The following UAP1 variants were observed in gnomAD, a reference collection of about 807,000 sequenced individuals.
UAP1 encodes UDP-N-acetylhexosamine pyrophosphorylase.
Under a neutral mutation model 58.5 loss-of-function variants are expected in UAP1, and 25 were observed. The observed-to-expected ratio is 0.43, with a 90% CI of 0.31 to 0.60. UAP1 has a LOEUF of 0.60. UAP1 is among the 20% of genes least tolerant of loss of function. The pLI is 0.11. For missense variants in UAP1, 575 were observed against 630.0 expected, an observed-to-expected ratio of 0.91 and a Z score of 0.93; for synonymous variants, 208 against 213.0, an observed-to-expected ratio of 0.98 and a Z score of 0.21.
intron 10 of UAP1, among the ~76,000 whole-genome samples, chr1:162,599,017 G>T (rs1655779423): frequency 6.6e-6 from 1 of 152,026 alleles, no homozygotes; most frequent in Non-Finnish European, 1.5e-5. Context: ...TGTGAGAGAT[G>T]ATTATAGGAA....
At chr1:162,577,434 C>CTTTTTTTTTTTTTT (rs1557970274) in intron 3 of UAP1, among the ~76,000 whole-genome samples, 3 of 138,224 alleles carry the variant, frequency 2.2e-5, no homozygotes, top group African/African-American at 8.6e-5. Context: ...TAGTTCCTTC[C>CTTTTTTTTTTTTTT]CTTTTTTTTT....
chr1:162,589,616 A>G (rs902325392), intron 7 of UAP1, among the ~76,000 whole-genome samples: 2 of 152,160 alleles, frequency 1.3e-5, no homozygotes, highest in East Asian at 3.9e-4. Flanking sequence ...TATAAAGATC[A>G]CATTTGATGT....
intron 8 of UAP1, among the ~76,000 whole-genome samples, chr1:162,591,403 TG>T (rs1655302263): frequency 6.6e-6 from 1 of 152,208 alleles, no homozygotes; most frequent in Non-Finnish European, 1.5e-5. Context: ...GAAATGGCTT[TG>T]GTTTTGAGAA....
chr1:162,587,927 A>G (rs1393312935), intron 6 of UAP1: 9 of 354,962 alleles, frequency 2.5e-5, no homozygotes, highest in Non-Finnish European at 4.6e-5. Flanking sequence ...CCCACCCCCA[A>G]CTATGTGCTA....
Position 162,583,146 on chromosome 1 carries a change from C to CTTTT in UAP1, c.834+1708_834+1711dup, listed in dbSNP as rs11376471. Among the ~76,000 whole-genome samples the CTTTT allele has an allele frequency of 6.9e-3, 467 of 67,976 alleles. 8 individuals are homozygous for CTTTT. Among genetic ancestry groups the CTTTT allele is most frequent in the Middle Eastern group, 0.022 (1 of 46 alleles). The allele number at this position is 67,976 out of a possible 152,430, so 44.6% of individuals were successfully genotyped here. On this transcript the variant is annotated intron_variant, in intron 5 of 10. Transcript: ENST00000271469. ...CACACGCCTTCCACTTGGTGTCACT[C>CTTTT]TTTTTTTTTTTTTTTTTTTTTTTTG... is the stretch of plus-strand genomic sequence containing the variant.
At chr1:162,579,293 G>C (rs1654399857) in intron 3 of UAP1, 135 bp from the exon 4 acceptor site, 2 of 582,318 alleles carry the variant, frequency 3.4e-6, no homozygotes, top group South Asian at 5.6e-5. Flanking sequence ...GTCTTACCCA[G>C]GAAAAATATG....
Position 162,589,264 on chromosome 1 carries a change from T to A in UAP1, c.1169+431T>A, listed in dbSNP as rs185844430. ...ATTTATAGTTATATATAAATATATA[T>A]TTATTTATAATATATATAAATATAT... On this transcript the variant is annotated intron_variant, in intron 7 of 10. Transcript: ENST00000271469. Among the ~76,000 whole-genome samples the A allele has an allele frequency of 2.2e-3, 276 of 127,694 alleles. 6 individuals carry two copies. The East Asian group carries it at 0.047, about 22-fold the overall frequency. 83.8% of individuals were successfully genotyped at this position (127,694 alleles called of 152,430 possible). A position where few individuals can be genotyped will look rare whatever the true frequency, so the allele number is the denominator to read the frequency against.
intron 2 of UAP1, among the ~76,000 whole-genome samples, chr1:162,569,696 C>T (rs1446527519): frequency 6.6e-6 from 1 of 151,936 alleles, no homozygotes; most frequent in African/African-American, 2.4e-5. Context: ...GCTTTTTTTG[C>T]CTATGAGACA....
intron 7 of UAP1, 56 bp downstream of exon 7, chr1:162,588,889 C>T (rs940780234): frequency 7.1e-6 from 11 of 1,539,726 alleles, no homozygotes; most frequent in Non-Finnish European, 9.6e-6. Flanking sequence ...TGCTGCTTTT[C>T]ACTCTCTTAG....
intron 5 of UAP1, among the ~76,000 whole-genome samples, chr1:162,586,911 G>T (rs1654932987): frequency 6.6e-6 from 1 of 152,174 alleles, no homozygotes; most frequent in Non-Finnish European, 1.5e-5. Flanking sequence ...TAAAGTTGGA[G>T]TGGGAGGCTA....
At chr1:162,563,438 T>C (rs1309116139) in intron 1 of UAP1, among the ~76,000 whole-genome samples, 1 of 152,066 alleles carries the variant, frequency 6.6e-6, no homozygotes, top group East Asian at 1.9e-4. Context: ...GATGTCGGCT[T>C]ACTACAACCT....
At chr1:162,597,114 GA>G (rs775900560) in intron 9 of UAP1, 1 of 152,154 alleles carries the variant, frequency 6.6e-6, no homozygotes, top group Non-Finnish European at 1.5e-5. Context: ...GGGTTGTACA[GA>G]AAAAACATGT....
intron 6 of UAP1, 87 bp downstream of exon 6, chr1:162,587,755 C>G (rs1654989543): frequency 8.0e-7 from 1 of 1,244,214 alleles, no homozygotes. Flanking sequence ...CACCCCAAGT[C>G]CATATCCCAC....
intron 2 of UAP1, among the ~76,000 whole-genome samples, chr1:162,568,729 A>G (rs1468592714): frequency 2.0e-5 from 3 of 152,230 alleles, no homozygotes; most frequent in Non-Finnish European, 2.9e-5. Context: ...ATTCCAAACC[A>G]AAAGCCACAC....
intron 9 of UAP1, 77 bp from the exon 10 acceptor site, chr1:162,597,715 A>G: frequency 3.4e-6 from 4 of 1,181,050 alleles, no homozygotes; most frequent in East Asian, 4.7e-5. Flanking sequence ...CTCAGAGGAA[A>G]GTTATGGTTT....
chr1:162,565,157 C>G (rs559857036), intron 1 of UAP1, among the ~76,000 whole-genome samples: 20 of 152,232 alleles, frequency 1.3e-4, no homozygotes, highest in African/African-American at 4.8e-4. Flanking sequence ...CTAATCTTAT[C>G]TATGTAGTCT....
Position 162,599,277 on chromosome 1 carries a change from GA to G in UAP1, c.1486del (p.Ser496ValfsTer12). ...ATTTCAATCCTCTTTTTAGGGATTA[GA>G]AAGTTATGTGGCAGATAAAGAATTC... On this transcript the variant is annotated frameshift_variant, in exon 11 of 11. Transcript: ENST00000271469. LOFTEE classifies it high-confidence loss of function. 1 of 1,609,754 alleles carries G rather than the reference GA, an allele frequency of 6.2e-7. No homozygotes were observed. The highest frequency in any genetic ancestry group is 8.5e-7 in the Non-Finnish European group (1 of 1,176,738).
At chr1:162,590,263 G>A in intron 7 of UAP1, 60 bp from the exon 8 acceptor site, 1 of 1,372,220 alleles carries the variant, frequency 7.3e-7, no homozygotes, top group Non-Finnish European at 9.9e-7. Flanking sequence ...CTATGTTAAA[G>A]GGTTAGAAGC....
chr1:162,584,537 A>G (rs1452873891), intron 5 of UAP1, among the ~76,000 whole-genome samples: 1 of 152,188 alleles, frequency 6.6e-6, no homozygotes, highest in Non-Finnish European at 1.5e-5. Context: ...CTGGATATGC[A>G]GTGGCATTAT....
Sources: allele counts gnomAD v4.1 joint callset (sites outside exome capture counted in the v4.1 genomes callset), GRCh38; gene constraint gnomAD v4.1.1; transcripts MANE v1.5; gene names NCBI Gene and HGNC (gene_info 2026-07-23, HGNC 2026-07-21).